The following CISH variants were observed in gnomAD, a reference collection of about 807,000 sequenced individuals.
CISH encodes cytokine inducible SH2 containing protein, also known as cytokine-inducible SH2-containing protein.
Under a neutral mutation model 21.3 loss-of-function variants are expected in CISH, and 11 were observed. The observed-to-expected ratio is 0.52, with a 90% CI of 0.32 to 0.85. The LOEUF (loss-of-function observed/expected upper bound fraction) is 0.85, where lower values mean the gene tolerates loss of function less well. Among genes scored for constraint, CISH ranks in the 40% least tolerant of loss-of-function variants. The pLI, the probability that CISH is intolerant of heterozygous loss-of-function variation, is 0.03. For missense variants in CISH, 280 were observed against 351.7 expected (o/e 0.80, Z 1.63); for synonymous variants, 118 against 142.3 (o/e 0.83, Z 1.22).
At chr3:50,610,721 C>A (rs944101071) in intron 1 of CISH, 1 of 1,292,292 alleles carries the variant, frequency 7.7e-7, no homozygotes, top group Non-Finnish European at 9.9e-7. Flanking sequence ...CACCTTCCAC[C>A]CTCCCTCACT....
At chr3:50,610,208 T>C (rs2032280021) in intron 1 of CISH, 1 of 752,462 alleles carries the variant, frequency 1.3e-6, no homozygotes, top group Non-Finnish European at 2.2e-6. Context: ...AGGAGCATGG[T>C]TGGTGGCTAG....
Position 50,607,993 on chromosome 3 carries a change from T to C in CISH, c.391A>G (p.Ile131Val), listed in dbSNP as rs1394057671. ...KTTRGPTNVR[I>V]EYADSSFRLD... ...CGGAAGCTGGAGTCGGCATACTCAATGCGTACATTGGTGGGGCCACGAGTG... is the reference window on the plus strand; with the variant it reads ...CGGAAGCTGGAGTCGGCATACTCAACGCGTACATTGGTGGGGCCACGAGTG... The change falls in exon 3 of 3, where the codon ATT becomes GTT. Residue 131 changes from isoleucine (I) to valine (V), a missense_variant. Physicochemically the swap from Ile to Val is conservative, Grantham distance 29. Coordinates refer to ENST00000348721, the MANE Select transcript of CISH (RefSeq NM_145071.4). 1.2e-6 allele frequency: 2 copies of C among 1,614,026 alleles called. No homozygotes were observed.
Position 50,607,623 on chromosome 3 carries a change from T to C in CISH, c.761A>G (p.Tyr254Cys). 6.2e-7 allele frequency: 1 copy of C among 1,612,200 alleles called. No individual in the cohort carries two copies. Among genetic ancestry groups the C allele is most frequent in the Non-Finnish European group, 8.5e-7 (1 of 1,179,334 alleles). Reference protein sequence around the residue: ...PRRMADYLRQYPFQL With the variant: ...PRRMADYLRQCPFQL ...CCCGTACAGTCAGAGCTGGAAGGGG[T>C]ACTGTCGGAGGTAGTCGGCCATGCG... The change falls in exon 3 of 3, where the codon TAC becomes TGC. Residue 254 changes from tyrosine to cysteine, a missense_variant. Transcript: ENST00000348721.
chr3:50,611,579 C>T (rs887830114), intron 1 of CISH, 52 bp downstream of exon 1: 3 of 1,524,720 alleles, frequency 2.0e-6, no homozygotes, highest in African/African-American at 1.4e-5. Context: ...AGCCCCTGTT[C>T]TCCCGTGCGC....
intron 1 of CISH, 197 bp from the exon 2 acceptor site, chr3:50,608,790 T>G: frequency 2.3e-6 from 1 of 434,718 alleles, no homozygotes. Flanking sequence ...GCCACCTTGA[T>G]TGTTTCCATG....
chr3:50,609,591 A>G (rs1318736239), intron 1 of CISH: 1 of 152,136 alleles, frequency 6.6e-6, no homozygotes, highest in East Asian at 1.9e-4. Context: ...CCTCCTTGGG[A>G]GGGCAGCAGG....
At position 50,607,545 on chromosome 3, in the gene CISH, G is replaced by T; in HGVS notation, c.*62C>A. On this transcript the variant is annotated 3_prime_UTR_variant, in exon 3 of 3. Coordinates refer to ENST00000348721, the MANE Select transcript of CISH (RefSeq NM_145071.4). The stretch of plus-strand genomic sequence containing the variant: ...GAGGGACAGTGGGGGCCCAAGTCCA[G>T]CTGGGGCTGATGTCCCCTCCAGGGT... The T allele has an allele frequency of 6.6e-7, 1 of 1,524,150 alleles. No individual in the cohort carries two copies. Among genetic ancestry groups the T allele is most frequent in the Non-Finnish European group, 8.9e-7 (1 of 1,122,462 alleles). 94.4% of individuals were successfully genotyped at this position (1,524,150 alleles called of 1,614,324 possible).
intron 1 of CISH, chr3:50,611,268 A>C: frequency 8.7e-7 from 1 of 1,151,038 alleles, no homozygotes. Flanking sequence ...GGCAGCAGGC[A>C]GGCTAGCGTA....
chr3:50,610,862 C>A, intron 1 of CISH: 2 of 1,055,354 alleles, frequency 1.9e-6, no homozygotes, highest in Non-Finnish European at 2.3e-6. Flanking sequence ...AGCATCAGAC[C>A]CTTTGGTTGA....
chr3:50,610,645 G>A (rs1444949996), intron 1 of CISH: 3 of 1,425,870 alleles, frequency 2.1e-6, no homozygotes, highest in Non-Finnish European at 2.8e-6. Flanking sequence ...CAGGAGGAAG[G>A]AACTTGCTGG....
In CISH at chr3:50,607,988, C is replaced by T. The variant is rs772515449; in HGVS notation, c.396G>A (p.Glu132=). Residue 132 remains glutamate, a synonymous_variant, in exon 3 of 3, where the codon GAG becomes GAA. Coordinates refer to ENST00000348721, the MANE Select transcript of CISH (RefSeq NM_145071.4). ...CCAGACGGAAGCTGGAGTCGGCATA[C>T]TCAATGCGTACATTGGTGGGGCCAC... is the stretch of plus-strand genomic sequence containing the variant. ...TTRGPTNVRI[E]YADSSFRLDS... 6.2e-7 allele frequency: 1 copy of T among 1,614,088 alleles called. No homozygotes were observed. The highest frequency in any genetic ancestry group is 2.2e-5 in the East Asian group (1 of 44,878).
Position 50,611,743 on chromosome 3 carries a change from C to A in CISH, c.-93G>T. On this transcript the variant is annotated 5_prime_UTR_variant, in exon 1 of 3. Transcript: ENST00000348721. The stretch of plus-strand genomic sequence containing the variant: ...GGGCGCGGAGCGCGTGCTGGGTAGG[C>A]TCCCGGGGCGCGCGGGCGCAGGACA... 1.4e-6 allele frequency: 2 copies of A among 1,390,294 alleles called. No individual in the cohort carries two copies. Among genetic ancestry groups the A allele is most frequent in the Non-Finnish European group, 1.9e-6 (2 of 1,073,752 alleles). 86.1% of individuals were successfully genotyped at this position (1,390,294 alleles called of 1,614,324 possible). A position where few individuals can be genotyped will look rare whatever the true frequency, so the allele number is the denominator to read the frequency against.
chr3:50,608,076 G>T lies in CISH; in HGVS notation c.308C>A (p.Thr103Lys). Residue 103 changes from threonine (T) to lysine (K), a missense_variant, in exon 3 of 3, where the codon ACG becomes AAG. By Grantham distance (78) the Thr-to-Lys change is moderately conservative. Transcript: ENST00000348721. ...GTGCGTGCTGTCACGTACTAAGAAC[G>T]TGCCTTCTGGCATCTTCTGCAGGTG... ...RQHLQKMPEGTFLVRDSTHPS... is the reference protein window; with the variant it reads ...RQHLQKMPEGKFLVRDSTHPS... The T allele has an allele frequency of 1.2e-6, 2 of 1,613,288 alleles. No homozygotes were observed. The highest frequency in any genetic ancestry group is 1.7e-6 in the Non-Finnish European group (2 of 1,179,682).
intron 1 of CISH, 92 bp from the exon 2 acceptor site, chr3:50,608,685 T>G: frequency 2.2e-6 from 2 of 917,246 alleles, no homozygotes; most frequent in Non-Finnish European, 1.5e-6. Flanking sequence ...TCATGACCTC[T>G]GGCTGGCCCA....
chr3:50,610,222 G>T, intron 1 of CISH: 2 of 841,202 alleles, frequency 2.4e-6, no homozygotes, highest in Non-Finnish European at 3.8e-6. Flanking sequence ...TGGCTAGCCA[G>T]TCAGGCTGGA....
Position 50,607,856 on chromosome 3 carries a change from G to A in CISH, c.528C>T (p.Pro176=), listed in dbSNP as rs370445257. The A allele has an allele frequency of 1.5e-5, 25 of 1,613,722 alleles. No homozygotes were observed. Among genetic ancestry groups the A allele is most frequent in the South Asian group, 4.4e-5 (4 of 91,082 alleles). Reference sequence around the variant, plus strand: ...GCAGGGCCGGGGTGGGAGCAGGATCGGGGCTGTCGCTTCGGGTATCAGCAG... The same window carrying A: ...GCAGGGCCGGGGTGGGAGCAGGATCAGGGCTGTCGCTTCGGGTATCAGCAG... ...SCTADTRSDS[P]DPAPTPALPM... Residue 176 remains proline (P), a synonymous_variant, in exon 3 of 3, where the codon CCC becomes CCT. Transcript: ENST00000348721.
chr3:50,607,596 G>A lies in CISH; in HGVS notation c.*11C>T. 1 of 1,602,360 alleles carries A rather than the reference G, an allele frequency of 6.2e-7. No homozygotes were observed. Among genetic ancestry groups the A allele is most frequent in the South Asian group, 1.1e-5 (1 of 89,616 alleles). ...GCGACTGGGTGAGGGTGGGCAGATTGCCCCGTACAGTCAGAGCTGGAAGGG... is the reference window on the plus strand; with the variant it reads ...GCGACTGGGTGAGGGTGGGCAGATTACCCCGTACAGTCAGAGCTGGAAGGG... On this transcript the variant is annotated 3_prime_UTR_variant, in exon 3 of 3. Coordinates refer to ENST00000348721, the MANE Select transcript of CISH (RefSeq NM_145071.4).
At chr3:50,611,320 C>T (rs2032317873) in intron 1 of CISH, 1 of 1,315,760 alleles carries the variant, frequency 7.6e-7, no homozygotes, top group Non-Finnish European at 9.6e-7. Flanking sequence ...TTGTTGGCCA[C>T]ATCTTGGGGG....
rs776069534 is a variant in CISH at position 50,607,810 on chromosome 3, G to A, written c.574C>T (p.Pro192Ser). Residue 192 changes from proline to serine, a missense_variant, in exon 3 of 3, where the codon CCT becomes TCT. Transcript: ENST00000348721. ...GGAGCAGGCAGTGCTGGGTCACTAG[G>A]CGCATCCTCCTTAGGCATAGGCAGG... ...PALPMPKEDA[P>S]SDPALPAPPP... 2 of 1,613,840 alleles carry A rather than the reference G, an allele frequency of 1.2e-6. No individual in the cohort carries two copies. Among genetic ancestry groups the A allele is most frequent in the South Asian group, 1.1e-5 (1 of 91,088 alleles).
Sources: allele counts gnomAD v4.1 joint callset, GRCh38; gene constraint gnomAD v4.1.1; transcripts MANE v1.5; gene names NCBI Gene and HGNC (gene_info 2026-07-23, HGNC 2026-07-21).